The following COQ2 variants were observed in gnomAD, a reference collection of about 807,000 sequenced individuals.
The protein encoded by COQ2 is 4-hydroxybenzoate polyprenyltransferase, mitochondrial.
A neutral mutation model predicts 35.7 loss-of-function variants in COQ2; 25 were observed. That is an observed-to-expected ratio of 0.70 (90% CI 0.51 to 0.98). The LOEUF (loss-of-function observed/expected upper bound fraction) is 0.98, where lower values mean the gene tolerates loss of function less well. COQ2 is among the 50% of genes least tolerant of loss of function. The pLI is 0.00. For synonymous variants in COQ2, 206 were observed against 186.2 expected, an observed-to-expected ratio of 1.11 and a Z score of -0.86; for missense variants, 488 against 473.5, an observed-to-expected ratio of 1.03 and a Z score of -0.28.
chr4:83,277,973 AACACACACACACACACAC>A lies in COQ2; in HGVS notation c.420+957_420+974del, dbSNP rs10595798. 1.7e-3 allele frequency among the ~76,000 whole-genome samples: 236 copies of A among 140,248 alleles called. 1 individual carries two copies. The highest frequency in any genetic ancestry group is 4.4e-3 in the African/African-American group (163 of 37,314). 92.0% of individuals were successfully genotyped at this position (140,248 alleles called of 152,430 possible). On this transcript the variant is annotated intron_variant, in intron 2 of 6. Transcript: ENST00000647002. Reference sequence around the variant, plus strand: ...CAACAAGAGTGAAACTCCATCTCAAAACACACACACACACACACACACACACACACACACACACACACA... The same window carrying A: ...CAACAAGAGTGAAACTCCATCTCAAAACACACACACACACACACACACACA...
intron 3 of COQ2, 115 bp from the exon 4 acceptor site, chr4:83,272,287 T>A: frequency 1.8e-6 from 1 of 550,938 alleles, no homozygotes; most frequent in Non-Finnish European, 3.1e-6. Flanking sequence ...TTATCTTAAA[T>A]TATATTTTAT....
At chr4:83,276,039 ATAAAATATATATTATATATAATATATATT>A (rs1735164939) in intron 2 of COQ2, among the ~76,000 whole-genome samples, 1 of 19,108 alleles carries the variant, frequency 5.2e-5, no homozygotes, top group Non-Finnish European at 2.0e-4. Flanking sequence ...TATATAATAT[ATAAAATATATATTATATATAATATATATT>A]TTATATATAA....
At position 83,273,499 on chromosome 4, in the gene COQ2, T is replaced by C; in HGVS notation, c.539A>G (p.Tyr180Cys). 6.2e-7 allele frequency: 1 copy of C among 1,612,224 alleles called. No individual in the cohort carries two copies. The highest frequency in any genetic ancestry group is 8.5e-7 in the Non-Finnish European group (1 of 1,179,240). ...ALGVLLCLNY[Y>C]SIALGAGSLL... is the part of the protein sequence containing the mutation. ...ATGTGGAAAACGTTTAATATACCTG[T>C]AGTAATTTAGACACAGAAGAACACC... Residue 180 changes from tyrosine (Y) to cysteine (C), a missense_variant, in exon 3 of 7, where the codon TAC becomes TGC. Coordinates refer to ENST00000647002, the MANE Select transcript of COQ2 (RefSeq NM_001358921.2).
chr4:83,279,794 C>G (rs1735273408), intron 1 of COQ2, among the ~76,000 whole-genome samples: 1 of 151,834 alleles, frequency 6.6e-6, no homozygotes, highest in Admixed American at 6.6e-5. Flanking sequence ...ACACACATTA[C>G]CTACTCAAAA....
intron 2 of COQ2, among the ~76,000 whole-genome samples, chr4:83,278,053 T>C (rs1471204572): frequency 6.6e-6 from 1 of 151,944 alleles, no homozygotes; most frequent in Non-Finnish European, 1.5e-5. Context: ...TAAAAATTAT[T>C]ATAGGTCTGC....
upstream of COQ2, chr4:83,284,968 C>G: frequency 8.3e-7 from 1 of 1,202,488 alleles, no homozygotes; most frequent in Non-Finnish European, 1.1e-6. Flanking sequence ...TTTCTATTGG[C>G]AAAAGGCAAA....
upstream of COQ2, chr4:83,284,835 G>A: frequency 6.4e-7 from 1 of 1,558,776 alleles, no homozygotes. Context: ...GGCACCCGCA[G>A]GATGCAATCC....
chr4:83,270,286 C>G (rs530261089), intron 4 of COQ2, among the ~76,000 whole-genome samples: 6 of 152,124 alleles, frequency 3.9e-5, no homozygotes, highest in Non-Finnish European at 5.9e-5. Flanking sequence ...AAGATTTATC[C>G]CACCTAATAT....
intron 5 of COQ2, among the ~76,000 whole-genome samples, chr4:83,269,110 A>G (rs1411900801): frequency 6.6e-6 from 1 of 152,232 alleles, no homozygotes; most frequent in Non-Finnish European, 1.5e-5. Context: ...CTTTAAGTCA[A>G]TAATACCACT....
rs942463668 is a variant in COQ2 at position 83,284,676 on chromosome 4, G to A, written c.89C>T (p.Ala30Val). The A allele has an allele frequency of 2.7e-6, 4 of 1,469,178 alleles. No individual in the cohort carries two copies. The Admixed American group carries it at 7.5e-5, about 27-fold the overall frequency. The allele number at this position is 1,469,178 out of a possible 1,614,324, so 91.0% of individuals were successfully genotyped here. A position where few individuals can be genotyped will look rare whatever the true frequency, so the allele number is the denominator to read the frequency against. Residue 30 changes from alanine (A) to valine (V), a missense_variant, in exon 1 of 7, where the codon GCC (alanine) becomes GTC (valine). Ala to Val is a moderately conservative substitution (Grantham distance 64, BLOSUM62 0). Transcript: ENST00000647002. ...WLPGWRGRSFALARAAGAPHG... is the reference protein window; with the variant it reads ...WLPGWRGRSFVLARAAGAPHG... The stretch of plus-strand genomic sequence containing the variant: ...GGGCGCGCCTGCCGCACGCGCCAGG[G>A]CGAAGGAGCGGCCCCGCCAGCCCGG...
chr4:83,277,479 T>C (rs1167094591), intron 2 of COQ2, among the ~76,000 whole-genome samples: 1 of 152,198 alleles, frequency 6.6e-6, no homozygotes, highest in Non-Finnish European at 1.5e-5. Flanking sequence ...TGGAAAGTTA[T>C]CTCTAACCCT....
At chr4:83,276,067 T>TA (rs1735169954) in intron 2 of COQ2, among the ~76,000 whole-genome samples, 2 of 13,942 alleles carry the variant, frequency 1.4e-4, no homozygotes, top group African/African-American at 2.0e-4. Flanking sequence ...ATAATATATA[T>TA]TTTATATATA....
intron 5 of COQ2, 32 bp from the exon 6 acceptor site, chr4:83,267,806 T>C (rs1173079702): frequency 6.7e-7 from 1 of 1,494,532 alleles, no homozygotes; most frequent in East Asian, 2.5e-5. Context: ...AACTGTTTTT[T>C]GAGATTTAGT....
intron 2 of COQ2, among the ~76,000 whole-genome samples, chr4:83,276,456 G>A (rs566626435): frequency 4.6e-5 from 7 of 152,062 alleles, no homozygotes; most frequent in African/African-American, 7.2e-5. Flanking sequence ...GACTTAGTCA[G>A]ATATCACTAA....
chr4:83,278,331 C>CA lies in COQ2; in HGVS notation c.420+616dup, dbSNP rs538971668. On this transcript the variant is annotated intron_variant, in intron 2 of 6. Transcript: ENST00000647002. ...TTATACACATGCATTAGAACAGGTA[C>CA]AAAAAAAAAATCCAGTGAAAAATAA... Among the ~76,000 whole-genome samples the CA allele has an allele frequency of 4.2e-3, 623 of 146,990 alleles. 9 individuals are homozygous for CA. The highest frequency in any genetic ancestry group is 0.015 in the African/African-American group (585 of 40,130).
intron 1 of COQ2, among the ~76,000 whole-genome samples, chr4:83,282,074 T>C (rs866843355): frequency 3.3e-5 from 5 of 152,162 alleles, no homozygotes; most frequent in South Asian, 4.1e-4. Context: ...GAAATGTTTT[T>C]GTAGAAAAGG....
chr4:83,284,851 T>C (rs112033303), upstream of COQ2: 2 of 1,547,010 alleles, frequency 1.3e-6, no homozygotes, highest in Middle Eastern at 1.7e-4. Flanking sequence ...AATCCTAGTC[T>C]GCCAGGCTGG....
chr4:83,284,532 A>C lies in COQ2; in HGVS notation c.233T>G (p.Met78Arg), dbSNP rs531492140. 1.9e-6 allele frequency: 3 copies of C among 1,576,176 alleles called. No individual in the cohort carries two copies. The highest frequency in any genetic ancestry group is 2.6e-6 in the Non-Finnish European group (3 of 1,162,734). The change falls in exon 1 of 7, where the codon ATG (methionine) becomes AGG (arginine). Residue 78 changes from methionine to arginine, a missense_variant. Physicochemically the swap from Met to Arg is moderately conservative, Grantham distance 91. Coordinates refer to ENST00000647002, the MANE Select transcript of COQ2 (RefSeq NM_001358921.2). ...PRPLQPYLRL[M>R]RLDKPIGTWL... ...CTCACCAATGGGCTTGTCCAACCGC[A>C]TGAGGCGCAAGTACGGCTGCAGGGG...
chr4:83,274,146 C>T (rs1735112952), intron 2 of COQ2, among the ~76,000 whole-genome samples: 1 of 151,956 alleles, frequency 6.6e-6, no homozygotes, highest in Admixed American at 6.6e-5. Flanking sequence ...CACAGCAACC[C>T]TGTGTCAAAT....
Sources: allele counts gnomAD v4.1 joint callset (sites outside exome capture counted in the v4.1 genomes callset), GRCh38; gene constraint gnomAD v4.1.1; transcripts MANE v1.5; gene names NCBI Gene and HGNC (gene_info 2026-07-23, HGNC 2026-07-21).